The following ALMS1 variants were observed in gnomAD, a reference collection of about 807,000 sequenced individuals.
ALMS1 encodes the protein ALMS1 centrosome and basal body associated protein.
In ALMS1, 271 loss-of-function variants were observed where a neutral mutation model predicts 352.2. The observed-to-expected ratio is 0.77, with a 90% CI of 0.70 to 0.85. The LOEUF (loss-of-function observed/expected upper bound fraction) is 0.85. Ranked by LOEUF, ALMS1 falls within the 40% of genes least tolerant of loss-of-function variation. The probability of loss-of-function intolerance (pLI) is 0.00; values close to 1 mark genes in which losing one functional copy is unlikely to be tolerated. For missense variants in ALMS1, 5,445 were observed against 4,870.7 expected (o/e 1.12, Z -3.51); for synonymous variants, 1,865 against 1,761.2 (o/e 1.06, Z -1.48).
chr2:73,519,727 T>C, intron 10 of ALMS1, 48 bp from the exon 11 acceptor site: 4 of 1,612,014 alleles, frequency 2.5e-6, no homozygotes, highest in Non-Finnish European at 3.4e-6. Flanking sequence ...TTTCAGTCTC[T>C]AATGGCCAAG....
intron 7 of ALMS1, among the ~76,000 whole-genome samples, chr2:73,434,958 C>T (rs975296335): frequency 5.3e-5 from 8 of 152,010 alleles, no homozygotes; most frequent in African/African-American, 1.7e-4. Flanking sequence ...CCACCATGCC[C>T]AATTAATTAG....
rs189151867 is a variant in ALMS1, at chr2:73,485,773, G to A, written c.7675-3861G>A. 1.5e-4 allele frequency among the ~76,000 whole-genome samples: 23 copies of A among 152,284 alleles called. No individual in the cohort carries two copies. In the East Asian group the frequency reaches 2.3e-3, roughly 15 times the overall value. ...GGAGCCAGGTGCGGGGTATAATCTC[G>A]TGGTGCGCCGTTTTTTAAGCCGGTT... On this transcript the variant is annotated intron_variant, in intron 9 of 22. Transcript: ENST00000613296.
At position 73,451,164 on chromosome 2, in the gene ALMS1, A is replaced by C; in HGVS notation, c.4637A>C (p.Glu1546Ala). The change falls in exon 8 of 23, where the codon GAG becomes GCG. Residue 1546 changes from glutamate to alanine, a missense_variant. Transcript: ENST00000613296. The stretch of plus-strand genomic sequence containing the variant: ...TTGCTAGGTAGTCAAATACCTGAAG[A>C]GGCTCTCAGAGTTTCTTCTGCTCCT... ...LALLGSQIPE[E>A]ALRVSSAPGP... is the part of the protein sequence containing the mutation. The C allele has an allele frequency of 6.2e-7, 1 of 1,614,030 alleles. No individual in the cohort carries two copies. The highest frequency in any genetic ancestry group is 8.5e-7 in the Non-Finnish European group (1 of 1,179,980).
intron 11 of ALMS1, among the ~76,000 whole-genome samples, chr2:73,520,701 GA>G (rs1253167610): frequency 1.3e-5 from 2 of 152,210 alleles, no homozygotes; most frequent in Admixed American, 1.3e-4. Context: ...AAATGAAGAA[GA>G]AATGGATTTT....
chr2:73,567,127 C>T (rs553447196), intron 15 of ALMS1, among the ~76,000 whole-genome samples: 2 of 152,290 alleles, frequency 1.3e-5, no homozygotes, highest in African/African-American at 4.8e-5. Flanking sequence ...TGGTGATTGG[C>T]TCAACCTGCA....
At chr2:73,407,740 T>C (rs148250476) in intron 1 of ALMS1, among the ~76,000 whole-genome samples, 1 of 152,126 alleles carries the variant, frequency 6.6e-6, no homozygotes, top group East Asian at 1.9e-4. Flanking sequence ...GTATTTTTAG[T>C]AGAGACGGGG....
chr2:73,560,352 C>T lies in ALMS1; in HGVS notation c.10384+1210C>T, dbSNP rs77161590. 6.6e-3 allele frequency among the ~76,000 whole-genome samples: 1,005 copies of T among 152,202 alleles called. 13 individuals carry two copies. The highest frequency in any genetic ancestry group is 0.023 in the African/African-American group (951 of 41,528). On this transcript the variant is annotated intron_variant, in intron 15 of 22. Transcript: ENST00000613296. ...AAATCAAAACCACAATGAGATATCA[C>T]TCACACCTGTTAGGATGACCACTAT...
At chr2:73,428,497 A>T (rs1671439253) in intron 6 of ALMS1, among the ~76,000 whole-genome samples, 1 of 152,234 alleles carries the variant, frequency 6.6e-6, no homozygotes, top group African/African-American at 2.4e-5. Context: ...AAACAAAGTA[A>T]CAACTTTTAA....
chr2:73,399,396 G>A (rs1200149496), intron 1 of ALMS1, among the ~76,000 whole-genome samples: 3 of 152,118 alleles, frequency 2.0e-5, no homozygotes, highest in Admixed American at 2.0e-4. Flanking sequence ...CAGAGTATGA[G>A]AAGCTTGGTG....
intron 10 of ALMS1, among the ~76,000 whole-genome samples, chr2:73,502,376 C>T (rs1463442092): frequency 6.6e-6 from 1 of 152,068 alleles, no homozygotes; most frequent in East Asian, 1.9e-4. Flanking sequence ...TTTACTCCTT[C>T]CTTTGCAGTT....
chr2:73,546,905 TG>T (rs1674334487), intron 12 of ALMS1, among the ~76,000 whole-genome samples: 1 of 152,276 alleles, frequency 6.6e-6, no homozygotes, highest in African/African-American at 2.4e-5. Context: ...AAGGGTGCAC[TG>T]GGCATGGGAG....
Position 73,449,838 on chromosome 2 carries a change from G to A in ALMS1, c.3311G>A (p.Gly1104Asp), listed in dbSNP as rs201074268. The A allele has an allele frequency of 2.8e-3, 4,477 of 1,614,028 alleles. 11 individuals are homozygous for A. Among genetic ancestry groups the A allele is most frequent in the Non-Finnish European group, 3.3e-3 (3,872 of 1,179,964 alleles). The change falls in exon 8 of 23, where the codon GGT (glycine) becomes GAT (aspartate). Residue 1104 changes from glycine (G) to aspartate (D), a missense_variant. Transcript: ENST00000613296. ...TTCTACTCACAAAGAGAGAAGCCTG[G>A]TATTTTCTACCAACAGACCTTGCCA... Reference protein sequence around the residue: ...STFYSQREKPGIFYQQTLPES... With the variant: ...STFYSQREKPDIFYQQTLPES...
chr2:73,481,148 G>GC (rs1304136483), intron 9 of ALMS1, among the ~76,000 whole-genome samples: 4 of 152,152 alleles, frequency 2.6e-5, no homozygotes, highest in Non-Finnish European at 4.4e-5. Context: ...TGAAGTCCTT[G>GC]CCCACACCTA....
chr2:73,471,884 A>C (rs937997869), intron 9 of ALMS1, among the ~76,000 whole-genome samples: 5 of 152,026 alleles, frequency 3.3e-5, no homozygotes, highest in African/African-American at 9.7e-5. Flanking sequence ...TGAAATCAGA[A>C]TCTTGAGGAG....
chr2:73,493,109 G>A (rs1673027088), intron 10 of ALMS1, among the ~76,000 whole-genome samples: 1 of 152,042 alleles, frequency 6.6e-6, no homozygotes, highest in Admixed American at 6.6e-5. Flanking sequence ...GAAAGTAATA[G>A]ATGATTATAT....
intron 19 of ALMS1, among the ~76,000 whole-genome samples, 187 bp from the exon 20 acceptor site, chr2:73,601,998 C>T (rs770967306): frequency 6.6e-5 from 10 of 152,160 alleles, no homozygotes; most frequent in South Asian, 2.1e-4. Context: ...TTGATCCCTG[C>T]GGTTTCCAAG....
rs750503973 is a variant in ALMS1 at position 73,455,217 on chromosome 2, A to G, written c.7596A>G (p.Leu2532=). The part of the protein sequence containing the change: ...AHDCGYSISE[L]NEDDRRKVEE... ...ATTGTGGATACTCCATTTCAGAATT[A>G]AATGAAGATGACAGGAGGAAAGTAG... The change falls in exon 9 of 23, where the codon TTA becomes TTG. Residue 2532 remains leucine (L), a synonymous_variant. Transcript: ENST00000613296. 4 of 1,613,786 alleles carry G rather than the reference A, an allele frequency of 2.5e-6. No individual in the cohort carries two copies. The South Asian group carries it at 4.4e-5, about 18-fold the overall frequency.
At chr2:73,527,336 G>A (rs1479274369) in intron 11 of ALMS1, among the ~76,000 whole-genome samples, 1 of 151,772 alleles carries the variant, frequency 6.6e-6, no homozygotes, top group Admixed American at 6.6e-5. Flanking sequence ...AATAGTTTGA[G>A]TAGGATTAGT....
chr2:73,483,826 A>T (rs1340073538), intron 9 of ALMS1, among the ~76,000 whole-genome samples: 3 of 146,422 alleles, frequency 2.0e-5, no homozygotes, highest in Non-Finnish European at 4.5e-5. Context: ...ACCATTATGT[A>T]ATGGCCTTCT....
Sources: gnomAD v4.1 joint callset for allele counts (sites outside exome capture counted in the v4.1 genomes callset) on GRCh38, gnomAD v4.1.1 for gene constraint, MANE v1.5 for transcripts, NCBI Gene and HGNC (gene_info 2026-07-23, HGNC 2026-07-21) for gene names.